Variants in STXBP4 observed in about 807,000 individuals in gnomAD.
STXBP4 encodes the protein syntaxin binding protein 4.
A neutral mutation model predicts 76.1 loss-of-function variants in STXBP4; 55 were observed. The ratio of observed to expected loss-of-function variants is 0.72; its 90% CI spans 0.58 to 0.91. The LOEUF (loss-of-function observed/expected upper bound fraction) is 0.91, where lower values mean the gene tolerates loss of function less well. Ranked by LOEUF, STXBP4 falls within the 40% of genes least tolerant of loss-of-function variation. The pLI is 0.00. For missense variants in STXBP4, 618 were observed against 636.9 expected, an observed-to-expected ratio of 0.97 and a Z score of 0.32; for synonymous variants, 201 against 220.2, an observed-to-expected ratio of 0.91 and a Z score of 0.77.
intron 16 of STXBP4, among the ~76,000 whole-genome samples, chr17:55,140,529 G>T (rs372373001): frequency 1.1e-4 from 17 of 152,238 alleles, no homozygotes; most frequent in Middle Eastern, 3.4e-3. Flanking sequence ...AAACCACTGT[G>T]TTCTAGAAAC....
intron 16 of STXBP4, among the ~76,000 whole-genome samples, chr17:55,132,451 A>C (rs2079983397): frequency 6.6e-6 from 1 of 152,054 alleles, no homozygotes; most frequent in African/African-American, 2.4e-5. Context: ...AGCCTCCCAA[A>C]ATGCTGGGAT....
chr17:55,099,191 T>C (rs761403681), intron 16 of STXBP4, among the ~76,000 whole-genome samples: 23 of 152,228 alleles, frequency 1.5e-4, no homozygotes. Context: ...TCAGCTTTTT[T>C]GGAGCGCAGT....
the STXBP4 span, among the ~76,000 whole-genome samples, chr17:55,204,187 A>G: frequency 2.0e-5 from 3 of 151,694 alleles, no homozygotes; most frequent in Non-Finnish European, 2.9e-5. Context: ...CCAGTTCACT[A>G]ATTGTCTCTT....
chr17:55,120,137 C>A (rs972342493), intron 16 of STXBP4, among the ~76,000 whole-genome samples: 4 of 152,132 alleles, frequency 2.6e-5, no homozygotes, highest in African/African-American at 9.7e-5. Flanking sequence ...TAATTTCAAG[C>A]CTTTCCCAAG....
chr17:55,034,124 AG>A lies in STXBP4; in HGVS notation c.764-40del, dbSNP rs756588657. On this transcript the variant is annotated intron_variant, in intron 9 of 17. Transcript: ENST00000376352. The stretch of plus-strand genomic sequence containing the variant: ...CATATAGAATAAAGTAAGATTTAGA[AG>A]GGGTTAAATGCCATGTTCTTACTTA... The A allele has an allele frequency of 5.0e-6, 7 of 1,407,730 alleles. No homozygotes were observed. In the South Asian group the frequency reaches 7.2e-5, roughly 15 times the overall value. 87.2% of individuals were successfully genotyped at this position (1,407,730 alleles called of 1,614,324 possible). A position where few individuals can be genotyped will look rare whatever the true frequency, so the allele number is the denominator to read the frequency against.
chr17:54,993,700 T>C (rs1397302779), intron 4 of STXBP4, among the ~76,000 whole-genome samples: 1 of 152,212 alleles, frequency 6.6e-6, no homozygotes, highest in Non-Finnish European at 1.5e-5. Context: ...ATCTGTGGAA[T>C]AGGAAACACA....
chr17:55,081,104 T>A lies in STXBP4; in HGVS notation c.1410T>A (p.Asn470Lys). ...CTTCCCTCACACCACTGGGAAGGAA[T>A]GGACGTAGCATCCCAGCAACGCTGG... ...SQTSLTPLGR[N>K]GRSIPATLAL... Residue 470 changes from asparagine to lysine, a missense_variant, in exon 16 of 18, where the codon AAT becomes AAA. By Grantham distance (94) the Asn-to-Lys change is moderately conservative (BLOSUM62 0). Coordinates refer to ENST00000376352, the MANE Select transcript of STXBP4 (RefSeq NM_178509.6). 1 of 1,558,350 alleles carries A rather than the reference T, an allele frequency of 6.4e-7. No homozygotes were observed.
intron 12 of STXBP4, among the ~76,000 whole-genome samples, chr17:55,060,927 C>T (rs1481518726): frequency 6.6e-6 from 1 of 152,158 alleles, no homozygotes; most frequent in Non-Finnish European, 1.5e-5. Context: ...GGTGAACAGT[C>T]CAAAGCCAAA....
At chr17:55,126,621 A>T (rs1424286562) in intron 16 of STXBP4, among the ~76,000 whole-genome samples, 1 of 152,232 alleles carries the variant, frequency 6.6e-6, no homozygotes, top group Non-Finnish European at 1.5e-5. Context: ...AGCAAATTTT[A>T]CATCAAAAGA....
chr17:55,180,369 A>G, the STXBP4 span, among the ~76,000 whole-genome samples: 1 of 152,228 alleles, frequency 6.6e-6, no homozygotes, highest in African/African-American at 2.4e-5. Flanking sequence ...TAAAAGAACT[A>G]TAGGAACTTT....
chr17:55,077,796 AAAAAC>A (rs766386919), intron 13 of STXBP4, among the ~76,000 whole-genome samples: 59 of 151,904 alleles, frequency 3.9e-4, no homozygotes, highest in South Asian at 1.5e-3. Flanking sequence ...GACACATTGC[AAAAAC>A]AAAACAAAAC....
intron 8 of STXBP4, among the ~76,000 whole-genome samples, chr17:55,016,448 G>A (rs557917663): frequency 5.3e-5 from 8 of 152,242 alleles, no homozygotes; most frequent in South Asian, 2.1e-4. Flanking sequence ...ATGCAAATTC[G>A]TTTCAGAGAG....
At chr17:55,031,395 C>G in intron 9 of STXBP4, 131 bp downstream of exon 9, 1 of 712,394 alleles carries the variant, frequency 1.4e-6, no homozygotes, top group Non-Finnish European at 2.3e-6. Context: ...ATTTCAAGGT[C>G]CTTAATCAGT....
At chr17:55,020,675 A>T (rs2078294553) in intron 8 of STXBP4, among the ~76,000 whole-genome samples, 1 of 152,076 alleles carries the variant, frequency 6.6e-6, no homozygotes, top group African/African-American at 2.4e-5. Context: ...AAAATTAGCC[A>T]GGCATGGTGG....
chr17:55,010,736 A>G (rs1228048272), intron 8 of STXBP4, among the ~76,000 whole-genome samples: 1 of 152,190 alleles, frequency 6.6e-6, no homozygotes, highest in African/African-American at 2.4e-5. Context: ...AGAAAACTGT[A>G]GAGAGCAATG....
intron 8 of STXBP4, among the ~76,000 whole-genome samples, chr17:55,022,705 G>A (rs890582116): frequency 6.6e-6 from 1 of 152,148 alleles, no homozygotes; most frequent in Admixed American, 6.5e-5. Flanking sequence ...TATGGTGCTA[G>A]GGAAAAACTT....
chr17:55,205,282 T>C, the STXBP4 span, among the ~76,000 whole-genome samples: 2 of 151,882 alleles, frequency 1.3e-5, no homozygotes, highest in African/African-American at 4.8e-5. Flanking sequence ...ATATATTTAT[T>C]ATAGTACTTT....
At chr17:54,986,851 A>G (rs2077633826) in intron 3 of STXBP4, among the ~76,000 whole-genome samples, 1 of 152,222 alleles carries the variant, frequency 6.6e-6, no homozygotes, top group Non-Finnish European at 1.5e-5. Flanking sequence ...TTGGTTGAGC[A>G]GTTCTGCTCT....
At position 55,072,998 on chromosome 17, in the gene STXBP4, T is replaced by A. The variant is rs1235950258; in HGVS notation, c.1110T>A (p.Tyr370Ter). The A allele has an allele frequency of 6.2e-7, 1 of 1,613,998 alleles. No homozygotes were observed. Residue 370 changes from tyrosine (Y) to a stop codon, truncating the protein, a stop_gained, in exon 13 of 18, where the codon TAT becomes TAA. Coordinates refer to ENST00000376352, the MANE Select transcript of STXBP4 (RefSeq NM_178509.6). LOFTEE classifies it high-confidence loss of function. Reference protein sequence around the residue: ...QRQAHGMEMDYEEVIRLLEAK... With the variant: ...QRQAHGMEMD ...AGGCACATGGAATGGAAATGGACTA[T>A]GAAGAAGTGATCCGTCTGTTAGAGG...
Sources: allele counts gnomAD v4.1 joint callset (sites outside exome capture counted in the v4.1 genomes callset), GRCh38; gene constraint gnomAD v4.1.1; transcripts MANE v1.5; gene names NCBI Gene and HGNC (gene_info 2026-07-23, HGNC 2026-07-21).